Variants in NTM observed in about 807,000 individuals in gnomAD.
NTM encodes neurotrimin, also known as IgLON family member 2.
In NTM, 13 loss-of-function variants were observed where a neutral mutation model predicts 42.1. That is an observed-to-expected ratio of 0.31 (90% confidence interval 0.20 to 0.49). The LOEUF is 0.49. Among genes scored for constraint, NTM ranks in the 20% least tolerant of loss-of-function variants. NTM has a pLI of 0.99. For synonymous variants in NTM, 187 were observed against 179.2 expected, an observed-to-expected ratio of 1.04 and a Z score of -0.35; for missense variants, 373 against 452.8, an observed-to-expected ratio of 0.82 and a Z score of 1.60.
intron 7 of NTM, chr11:132,314,940 G>C: frequency 8.0e-7 from 1 of 1,255,072 alleles, no homozygotes; most frequent in Non-Finnish European, 1.0e-6. Context: ...ATACAAAGTA[G>C]TATATGTATA....
At chr11:131,885,916 T>C (rs1246286259) in intron 1 of NTM, among the ~76,000 whole-genome samples, 1 of 152,132 alleles carries the variant, frequency 6.6e-6, no homozygotes, top group Non-Finnish European at 1.5e-5. Context: ...GTGGGGTACG[T>C]CACTCTGATT....
At chr11:131,423,606 G>C (rs1299784078) in intron 1 of NTM, among the ~76,000 whole-genome samples, 2 of 152,048 alleles carry the variant, frequency 1.3e-5, no homozygotes, top group Non-Finnish European at 2.9e-5. Context: ...TGCTTCCAGG[G>C]GCACAAAGTC....
At chr11:132,174,069 G>A (rs2076461480) in intron 3 of NTM, among the ~76,000 whole-genome samples, 1 of 152,098 alleles carries the variant, frequency 6.6e-6, no homozygotes, top group Non-Finnish European at 1.5e-5. Flanking sequence ...CTTCAACGGA[G>A]GGAAGCAGTG....
intron 1 of NTM, among the ~76,000 whole-genome samples, chr11:131,828,974 C>T (rs1182364487): frequency 6.6e-6 from 1 of 151,854 alleles, no homozygotes; most frequent in East Asian, 1.9e-4. Context: ...CCATCACTCT[C>T]CCTCTCTCTC....
At chr11:131,812,805 G>C (rs1328802779) in intron 1 of NTM, among the ~76,000 whole-genome samples, 3 of 152,158 alleles carry the variant, frequency 2.0e-5, no homozygotes, top group Non-Finnish European at 2.9e-5. Flanking sequence ...GGAAAGAACG[G>C]TGCCCATGTC....
intron 2 of NTM, among the ~76,000 whole-genome samples, chr11:132,010,628 T>TTTTTCCTC: frequency 6.6e-6 from 1 of 151,402 alleles, no homozygotes; most frequent in African/African-American, 2.4e-5. Context: ...TTTTTTTTTT[T>TTTTTCCTC]CCTCCATTCT....
At chr11:132,103,456 C>T (rs1348679167) in intron 2 of NTM, among the ~76,000 whole-genome samples, 2 of 152,160 alleles carry the variant, frequency 1.3e-5, no homozygotes, top group African/African-American at 4.8e-5. Context: ...TGTGAAAATG[C>T]CTTTTCGTAT....
chr11:131,602,786 C>T (rs191206642), intron 1 of NTM, among the ~76,000 whole-genome samples: 21 of 152,246 alleles, frequency 1.4e-4, no homozygotes, highest in African/African-American at 4.1e-4. Context: ...CTGTCCCCAT[C>T]GATTGTCCCT....
At chr11:132,197,376 G>A (rs1311250745) in intron 3 of NTM, among the ~76,000 whole-genome samples, 3 of 151,932 alleles carry the variant, frequency 2.0e-5, no homozygotes, top group Admixed American at 1.3e-4. Flanking sequence ...ATTTGTGTGT[G>A]TAATTCTATT....
chr11:131,819,083 G>A (rs2136390406), intron 1 of NTM, among the ~76,000 whole-genome samples: 1 of 151,782 alleles, frequency 6.6e-6, no homozygotes, highest in Middle Eastern at 3.4e-3. Context: ...TTCTGGCAGG[G>A]GTGAGACCAC....
chr11:131,573,306 G>T lies in NTM; in HGVS notation c.82+202418G>T, dbSNP rs556629269. 4.6e-5 allele frequency among the ~76,000 whole-genome samples: 7 copies of T among 152,300 alleles called. No homozygotes were observed. In the South Asian group the frequency reaches 1.4e-3, roughly 32 times the overall value. On this transcript the variant is annotated intron_variant, in intron 1 of 8. Coordinates refer to ENST00000683400, the MANE Select transcript of NTM (RefSeq NM_001352005.2). ...TCATTGTGTCCCTAAGCCACAGTTT[G>T]CTCATTTGCAAGATTTCTGTTTTTC...
intron 1 of NTM, among the ~76,000 whole-genome samples, chr11:131,736,733 T>C (rs1427602484): frequency 6.6e-6 from 1 of 152,122 alleles, no homozygotes; most frequent in Non-Finnish European, 1.5e-5. Flanking sequence ...GTAAAAATAG[T>C]GCAGACATTT....
chr11:131,398,318 T>A (rs1944773398), intron 1 of NTM, among the ~76,000 whole-genome samples: 1 of 152,186 alleles, frequency 6.6e-6, no homozygotes, highest in African/African-American at 2.4e-5. Context: ...AAGTAATGTA[T>A]CTTTATTAAA....
chr11:131,498,931 G>C (rs1371964813), intron 1 of NTM, among the ~76,000 whole-genome samples: 1 of 152,190 alleles, frequency 6.6e-6, no homozygotes, highest in Admixed American at 6.5e-5. Context: ...GGCAGGAGAT[G>C]TGACCTATGC....
chr11:131,399,141 T>C (rs1301360669), intron 1 of NTM, among the ~76,000 whole-genome samples: 1 of 152,162 alleles, frequency 6.6e-6, no homozygotes. Context: ...CCTCTTCTCC[T>C]CGCACCCCAA....
rs75590085 is a variant in NTM, at chr11:132,046,884, A to G, written c.168-99398A>G. On this transcript the variant is annotated intron_variant, in intron 2 of 8. Transcript: ENST00000683400. ...TCTATCATCTATTTATAAATCATCA[A>G]TCTATCTGTTATCTATCTATCACCT... 7.0e-3 allele frequency among the ~76,000 whole-genome samples: 1,073 copies of G among 152,220 alleles called. 21 individuals are homozygous for G. Among genetic ancestry groups the G allele is most frequent in the African/African-American group, 0.025 (1,035 of 41,528 alleles).
At chr11:132,083,444 A>G (rs1162908211) in intron 2 of NTM, among the ~76,000 whole-genome samples, 1 of 152,234 alleles carries the variant, frequency 6.6e-6, no homozygotes, top group East Asian at 1.9e-4. Flanking sequence ...TTTGTTCCAC[A>G]AGGAATCTCA....
chr11:132,235,970 A>AT (rs1431254389), intron 4 of NTM, among the ~76,000 whole-genome samples: 1 of 149,976 alleles, frequency 6.7e-6, no homozygotes, highest in Non-Finnish European at 1.5e-5. Flanking sequence ...TCAGCCCTCA[A>AT]TTTTTTGACA....
intron 1 of NTM, among the ~76,000 whole-genome samples, chr11:131,866,999 G>T (rs1391791141): frequency 2.0e-5 from 3 of 152,202 alleles, no homozygotes; most frequent in Non-Finnish European, 2.9e-5. Flanking sequence ...CAGGGAGGAG[G>T]TGGGGGAAGG....
Sources: allele counts gnomAD v4.1 joint callset (sites outside exome capture counted in the v4.1 genomes callset), GRCh38; gene constraint gnomAD v4.1.1; transcripts MANE v1.5; gene names NCBI Gene and HGNC (gene_info 2026-07-23, HGNC 2026-07-21).